Variants in CLIC5 observed in about 807,000 individuals in gnomAD.
CLIC5 encodes chloride intracellular channel protein 5.
CLIC5 carries 20 observed loss-of-function variants against 24.7 expected under a neutral mutation model. That is an observed-to-expected ratio of 0.81 (90% CI 0.57 to 1.18). CLIC5 has a LOEUF of 1.18. Ranked by LOEUF, CLIC5 falls within the 50% of genes most tolerant of loss-of-function variation. CLIC5 has a pLI of 0.00. For missense variants in CLIC5, 341 were observed against 326.1 expected (o/e 1.05, Z -0.35); for synonymous variants, 159 against 135.6 (o/e 1.17, Z -1.20).
At chr6:46,066,462 T>C (rs980443285) in intron 1 of CLIC5, among the ~76,000 whole-genome samples, 27 of 152,150 alleles carry the variant, frequency 1.8e-4, no homozygotes, top group Admixed American at 1.8e-3. Flanking sequence ...TACTCAAGGA[T>C]CTTTGCTTGA....
intron 1 of CLIC5, among the ~76,000 whole-genome samples, chr6:45,964,804 T>C (rs576620646): frequency 6.6e-6 from 1 of 152,364 alleles, no homozygotes; most frequent in South Asian, 2.1e-4. Context: ...TTGTTATTGT[T>C]TAAAACCACT....
chr6:45,968,143 C>T lies in CLIC5; in HGVS notation c.64-12899G>A, dbSNP rs1765077907. Reference sequence around the variant, plus strand: ...CAAAGCCATAAGGCAGTCAAATGCTCATCTTCTGGGGGTCTCTGTGTCTTC... The same window carrying T: ...CAAAGCCATAAGGCAGTCAAATGCTTATCTTCTGGGGGTCTCTGTGTCTTC... On this transcript the variant is annotated intron_variant, in intron 1 of 5. Coordinates refer to ENST00000339561, the MANE Select transcript of CLIC5 (RefSeq NM_016929.5). 3.3e-5 allele frequency among the ~76,000 whole-genome samples: 5 copies of T among 152,192 alleles called. No individual in the cohort carries two copies. In the South Asian group the frequency reaches 1.0e-3, roughly 31 times the overall value.
intron 2 of CLIC5, among the ~76,000 whole-genome samples, chr6:45,951,024 T>G (rs1764452293): frequency 6.6e-6 from 1 of 152,228 alleles, no homozygotes; most frequent in South Asian, 2.1e-4. Context: ...TGCTTTGTGA[T>G]GGGATTCAAA....
In CLIC5 at chr6:46,079,884, CAG is replaced by C; in HGVS notation, c.357_358del (p.Cys120ArgfsTer27). ...CCCATTCTCCTGGAGTTCTGCTGCG[CAG>C]AGTTGCTGGTCCTGGGTTGATGAAT... On this transcript the variant is annotated frameshift_variant, in exon 1 of 6. Coordinates refer to the CLIC5 transcript ENST00000185206. LOFTEE classifies it high-confidence loss of function. 6.4e-7 allele frequency: 1 copy of C among 1,552,102 alleles called. No homozygotes were observed. The highest frequency in any genetic ancestry group is 1.2e-5 in the South Asian group (1 of 84,058).
Position 46,045,526 on chromosome 6 carries a change from C to T in CLIC5, c.540+34177G>A, listed in dbSNP as rs1240212670. Among the ~76,000 whole-genome samples the T allele has an allele frequency of 3.9e-5, 6 of 152,094 alleles. No homozygotes were observed. In the East Asian group the frequency reaches 9.7e-4, roughly 24 times the overall value. On this transcript the variant is annotated intron_variant, in intron 1 of 5. Transcript: ENST00000185206. ...CTCCATGATGCTGGTTGCCAAGAAACCATTGGCCTTCTAGGTAACAAGATG... is the reference window on the plus strand; with the variant it reads ...CTCCATGATGCTGGTTGCCAAGAAATCATTGGCCTTCTAGGTAACAAGATG...
chr6:45,892,051 C>T (rs1167895546), intron 6 of CLIC5: 1 of 152,154 alleles, frequency 6.6e-6, no homozygotes, highest in Non-Finnish European at 1.5e-5. Context: ...GAGATCAACT[C>T]ACAACATTTT....
intron 1 of CLIC5, among the ~76,000 whole-genome samples, chr6:46,076,615 T>C (rs1031710030): frequency 1.3e-5 from 2 of 152,206 alleles, no homozygotes; most frequent in Non-Finnish European, 2.9e-5. Flanking sequence ...ACAGCTCTGC[T>C]GACACCTTGA....
At chr6:45,963,183 T>C (rs1303700126) in intron 1 of CLIC5, among the ~76,000 whole-genome samples, 1 of 152,212 alleles carries the variant, frequency 6.6e-6, no homozygotes, top group African/African-American at 2.4e-5. Flanking sequence ...AATTCTTTTT[T>C]TTTTCCTTTG....
At chr6:46,042,393 T>C (rs1309714662) in intron 1 of CLIC5, among the ~76,000 whole-genome samples, 1 of 152,136 alleles carries the variant, frequency 6.6e-6, no homozygotes. Context: ...TTTTGGGTAG[T>C]TTTTTCTTTT....
chr6:45,910,979 CAG>C (rs916632302), intron 5 of CLIC5, among the ~76,000 whole-genome samples: 8 of 152,184 alleles, frequency 5.3e-5, no homozygotes, highest in African/African-American at 1.9e-4. Context: ...CATACCCACG[CAG>C]AGAGGCCAGC....
intron 1 of CLIC5, among the ~76,000 whole-genome samples, chr6:46,008,659 C>A (rs3777623): frequency 0.36 from 55,336 of 152,044 alleles, 10,655 homozygotes; most frequent in Middle Eastern, 0.54. Context: ...CATTCTTTAT[C>A]TTACTATCTC....
intron 5 of CLIC5, among the ~76,000 whole-genome samples, chr6:45,909,015 C>T (rs1762738112): frequency 1.3e-5 from 2 of 148,772 alleles, no homozygotes. Flanking sequence ...CACCCCTTTA[C>T]TATTATGTAA....
At chr6:45,927,420 G>T (rs1342706719) in intron 4 of CLIC5, among the ~76,000 whole-genome samples, 1 of 152,142 alleles carries the variant, frequency 6.6e-6, no homozygotes, top group African/African-American at 2.4e-5. Flanking sequence ...ACCAGGATAT[G>T]CCACCCCCAA....
intron 1 of CLIC5, among the ~76,000 whole-genome samples, chr6:45,977,027 T>A (rs1277536707): frequency 6.6e-6 from 1 of 152,198 alleles, no homozygotes; most frequent in Non-Finnish European, 1.5e-5. Flanking sequence ...ATAAATTATT[T>A]CCTTTCAGGG....
the CLIC5 span, among the ~76,000 whole-genome samples, chr6:46,112,614 T>C: frequency 6.6e-6 from 1 of 152,236 alleles, no homozygotes; most frequent in Non-Finnish European, 1.5e-5. Flanking sequence ...TGTATACACT[T>C]ATTAGTAAAC....
intron 4 of CLIC5, among the ~76,000 whole-genome samples, chr6:45,916,244 T>C (rs917529840): frequency 9.9e-5 from 15 of 152,216 alleles, no homozygotes; most frequent in African/African-American, 3.4e-4. Flanking sequence ...TACTTCATCA[T>C]CTGCTTTGTG....
At chr6:46,006,607 C>T (rs1412781175) in intron 1 of CLIC5, among the ~76,000 whole-genome samples, 2 of 151,990 alleles carry the variant, frequency 1.3e-5, no homozygotes, top group East Asian at 1.9e-4. Context: ...TTTCCTACCT[C>T]TTATTCCTTG....
At position 46,013,295 on chromosome 6, in the gene CLIC5, A is replaced by G. The variant is rs143781000; in HGVS notation, c.63+2185T>C. Among the ~76,000 whole-genome samples, 3 of 152,364 alleles carry G rather than the reference A, an allele frequency of 2.0e-5. No homozygotes were observed. In the East Asian group the frequency reaches 5.8e-4, roughly 29 times the overall value. ...TTTTATGGGGAATCATGTACCTCAG[A>G]GAAACTCCAAACTTTGGAAAAGTGT... On this transcript the variant is annotated intron_variant, in intron 1 of 5. Transcript: ENST00000339561.
chr6:46,049,139 A>G (rs1269618499), intron 1 of CLIC5, among the ~76,000 whole-genome samples: 2 of 152,228 alleles, frequency 1.3e-5, no homozygotes, highest in East Asian at 3.8e-4. Flanking sequence ...AAGGTTGAGA[A>G]GAGCAGTTTA....
Sources: gnomAD v4.1 joint callset for allele counts (sites outside exome capture counted in the v4.1 genomes callset) on GRCh38, gnomAD v4.1.1 for gene constraint, MANE v1.5 for transcripts, NCBI Gene and HGNC (gene_info 2026-07-23, HGNC 2026-07-21) for gene names.